Variants in GREB1L observed in about 807,000 individuals in gnomAD.
GREB1L encodes the protein GREB1-like protein.
Under a neutral mutation model 200.8 loss-of-function variants are expected in GREB1L, and 17 were observed. That is an observed-to-expected ratio of 0.08 (90% confidence interval 0.06 to 0.13). GREB1L has a LOEUF of 0.13. Ranked by LOEUF, GREB1L falls within the 10% of genes least tolerant of loss-of-function variation. The pLI is 1.00. For missense variants in GREB1L, 1,657 were observed against 2,367.7 expected, an observed-to-expected ratio of 0.70 and a Z score of 6.23; for synonymous variants, 789 against 893.0, an observed-to-expected ratio of 0.88 and a Z score of 2.08.
chr18:21,272,569 C>T (rs1156843942), intron 1 of GREB1L, among the ~76,000 whole-genome samples: 3 of 152,068 alleles, frequency 2.0e-5, no homozygotes, highest in Admixed American at 6.5e-5. Context: ...CCTACTTTTC[C>T]TCTTTATCAA....
At chr18:21,405,023 C>T (rs2030008084) in intron 7 of GREB1L, among the ~76,000 whole-genome samples, 1 of 152,160 alleles carries the variant, frequency 6.6e-6, no homozygotes, top group South Asian at 2.1e-4. Flanking sequence ...AATATGTTAG[C>T]AGCAGCAGCA....
In GREB1L at chr18:21,278,389, A is replaced by AT. The variant is rs1555624350; in HGVS notation, c.-120+35996_-120+35997insT. ...GAGCAAGACTCCATCTCAAAAAAAAAAAATAAATAAATAAATAAATAAATA... is the reference window on the plus strand; with the variant it reads ...GAGCAAGACTCCATCTCAAAAAAAAATAAATAAATAAATAAATAAATAAATA... On this transcript the variant is annotated intron_variant, in intron 1 of 32. Transcript: ENST00000424526. 8.4e-4 allele frequency among the ~76,000 whole-genome samples: 105 copies of AT among 125,620 alleles called. 1 individual carries two copies. Among genetic ancestry groups the AT allele is most frequent in the African/African-American group, 2.5e-3 (79 of 31,168 alleles). The allele number at this position is 125,620 out of a possible 152,430, so 82.4% of individuals were successfully genotyped here.
intron 1 of GREB1L, among the ~76,000 whole-genome samples, chr18:21,333,449 C>G (rs561365688): frequency 6.6e-6 from 1 of 151,660 alleles, no homozygotes; most frequent in Admixed American, 6.6e-5. Context: ...CCAAGGCAGA[C>G]GGATCACCTG....
chr18:21,372,296 C>T (rs1484447163), intron 2 of GREB1L, among the ~76,000 whole-genome samples: 1 of 151,528 alleles, frequency 6.6e-6, no homozygotes, highest in African/African-American at 2.4e-5. Flanking sequence ...TACAGGCACC[C>T]GCCACCCCGC....
At chr18:21,418,427 G>A (rs950356731) in intron 7 of GREB1L, among the ~76,000 whole-genome samples, 48 of 152,024 alleles carry the variant, frequency 3.2e-4, no homozygotes, top group African/African-American at 1.2e-3. Context: ...CAATGTAAAT[G>A]TTATATAAAT....
chr18:21,322,381 G>A (rs1480256264), intron 1 of GREB1L, among the ~76,000 whole-genome samples: 2 of 152,176 alleles, frequency 1.3e-5, no homozygotes. Flanking sequence ...AATTTCAGTA[G>A]TGGTAGGTTG....
Position 21,518,118 on chromosome 18 carries a change from C to G in GREB1L, c.5356C>G (p.Gln1786Glu). The G allele has an allele frequency of 6.4e-7, 1 of 1,551,636 alleles. No homozygotes were observed. Among genetic ancestry groups the G allele is most frequent in the Non-Finnish European group, 8.7e-7 (1 of 1,146,960 alleles). ...SEHTLLAAPAQFLLEKFLQHA... is the reference protein window; with the variant it reads ...SEHTLLAAPAEFLLEKFLQHA... Reference sequence around the variant, plus strand: ...ACACACACTACTGGCAGCCCCTGCACAGTTTCTCCTGGAGAAATTCCTTCA... The same window carrying G: ...ACACACACTACTGGCAGCCCCTGCAGAGTTTCTCCTGGAGAAATTCCTTCA... The change falls in exon 31 of 33, where the codon CAG (glutamine) becomes GAG (glutamate). Residue 1786 changes from glutamine (Q) to glutamate (E), a missense_variant. Physicochemically the swap from Gln to Glu is conservative, Grantham distance 29. This residue lies in a region of GREB1L where 190 missense variants were observed against 230.2 expected (regional missense o/e 0.83). Coordinates refer to ENST00000424526, the MANE Select transcript of GREB1L (RefSeq NM_001142966.3).
At chr18:21,399,409 AGTATTT>A (rs1291973215) in intron 5 of GREB1L, among the ~76,000 whole-genome samples, 3 of 151,924 alleles carry the variant, frequency 2.0e-5, no homozygotes, top group African/African-American at 7.3e-5. Context: ...AATAGAGTAC[AGTATTT>A]GTTGGATGGA....
chr18:21,488,696 G>A (rs759987891), intron 18 of GREB1L, among the ~76,000 whole-genome samples: 6 of 151,970 alleles, frequency 3.9e-5, no homozygotes, highest in Admixed American at 1.3e-4. Context: ...TCACTCCGTC[G>A]CCCAGGCTGG....
chr18:21,487,831 T>C (rs2036183079), intron 18 of GREB1L, among the ~76,000 whole-genome samples: 1 of 148,872 alleles, frequency 6.7e-6, no homozygotes, highest in African/African-American at 2.5e-5. Context: ...TAAAACCCTG[T>C]CTCTACTAAA....
chr18:21,383,967 G>A (rs534292289), intron 3 of GREB1L, among the ~76,000 whole-genome samples: 2 of 151,996 alleles, frequency 1.3e-5, no homozygotes, highest in African/African-American at 2.4e-5. Context: ...GCCCGCCTCC[G>A]CCTCCCAAAG....
chr18:21,448,812 G>A (rs1329973092), intron 11 of GREB1L, among the ~76,000 whole-genome samples: 2 of 152,110 alleles, frequency 1.3e-5, no homozygotes, highest in Non-Finnish European at 2.9e-5. Flanking sequence ...AAGAGAATAA[G>A]GAAGAAAATC....
At chr18:21,264,780 G>A (rs2037941895) in intron 1 of GREB1L, among the ~76,000 whole-genome samples, 1 of 151,330 alleles carries the variant, frequency 6.6e-6, no homozygotes, top group Non-Finnish European at 1.5e-5. Flanking sequence ...GCAGATGCCT[G>A]GAAAGTTTAC....
intron 1 of GREB1L, among the ~76,000 whole-genome samples, chr18:21,314,078 G>A (rs1228252798): frequency 6.6e-6 from 1 of 152,150 alleles, no homozygotes; most frequent in African/African-American, 2.4e-5. Context: ...GAGAATTTCT[G>A]CAGAAGTGAT....
chr18:21,337,878 T>A (rs1234692116), intron 1 of GREB1L, among the ~76,000 whole-genome samples: 1 of 151,670 alleles, frequency 6.6e-6, no homozygotes. Context: ...TCCCAGCTAC[T>A]CGGGAGGCTG....
intron 15 of GREB1L, among the ~76,000 whole-genome samples, chr18:21,470,873 A>G (rs576435004): frequency 1.3e-5 from 2 of 152,348 alleles, no homozygotes; most frequent in East Asian, 3.9e-4. Flanking sequence ...ATAAGTATCT[A>G]TCACTTTCAT....
At chr18:21,472,953 A>G (rs1199604390) in intron 15 of GREB1L, 78 bp from the exon 16 acceptor site, 13 of 1,007,956 alleles carry the variant, frequency 1.3e-5, no homozygotes, top group African/African-American at 3.3e-5. Flanking sequence ...TCAGCTGACA[A>G]TGAACTCAAG....
At chr18:21,275,014 G>T (rs2144337365) in intron 1 of GREB1L, among the ~76,000 whole-genome samples, 1 of 152,266 alleles carries the variant, frequency 6.6e-6, no homozygotes, top group African/African-American at 2.4e-5. Context: ...GGCCGAGGTG[G>T]GCCGATCACG....
intron 29 of GREB1L, among the ~76,000 whole-genome samples, 190 bp downstream of exon 29, chr18:21,515,834 A>AG (rs2037397526): frequency 6.6e-6 from 1 of 152,226 alleles, no homozygotes; most frequent in Non-Finnish European, 1.5e-5. Flanking sequence ...AGACCTTAAC[A>AG]GGGGTTACAA....
Sources: allele counts gnomAD v4.1 joint callset (sites outside exome capture counted in the v4.1 genomes callset), GRCh38; gene constraint gnomAD v4.1.1; regional missense constraint gnomAD v4.1.1; transcripts MANE v1.5; gene names NCBI Gene and HGNC (gene_info 2026-07-23, HGNC 2026-07-21).